ZMYM6: variants seen among roughly 807,000 people sequenced by gnomAD.
ZMYM6 encodes zinc finger MYM-type protein 6.
ZMYM6 carries 90 observed loss-of-function variants against 134.0 expected under a neutral mutation model. That is an observed-to-expected ratio of 0.67 (90% CI 0.57 to 0.80). The LOEUF is 0.80. Among genes scored for constraint, ZMYM6 ranks in the 30% least tolerant of loss-of-function variants. The probability of loss-of-function intolerance (pLI) is 0.00; values close to 1 mark genes in which losing one functional copy is unlikely to be tolerated. For missense variants in ZMYM6, 1,362 were observed against 1,533.9 expected, an observed-to-expected ratio of 0.89 and a Z score of 1.87; for synonymous variants, 481 against 524.1, an observed-to-expected ratio of 0.92 and a Z score of 1.12.
chr1:35,020,243 T>A, intron 3 of ZMYM6, 140 bp downstream of exon 3: 1 of 638,928 alleles, frequency 1.6e-6, no homozygotes, highest in Non-Finnish European at 2.6e-6. Context: ...AAAACGCTGC[T>A]GAAAACCAGC....
At position 35,015,143 on chromosome 1, in the gene ZMYM6, C is replaced by T; in HGVS notation, c.448G>A (p.Asp150Asn). ...TTCTCAAAGCGAGTTGTGATCACAT[C>T]CTTAGGATTTAAAATGTCTCTAAAA... ...NCSKDILNPK[D>N]VITTRFENSY... The change falls in exon 5 of 16, where the codon GAT (aspartate) becomes AAT (asparagine). Residue 150 changes from aspartate to asparagine, a missense_variant. Physicochemically the swap from Asp to Asn is conservative, Grantham distance 23. Coordinates refer to ENST00000357182, the MANE Select transcript of ZMYM6 (RefSeq NM_007167.4). The T allele has an allele frequency of 1.0e-5, 16 of 1,597,108 alleles. No individual in the cohort carries two copies. Among genetic ancestry groups the T allele is most frequent in the Non-Finnish European group, 1.3e-5 (15 of 1,175,676 alleles).
At chr1:35,029,380 C>T (rs1048901145) in intron 2 of ZMYM6, among the ~76,000 whole-genome samples, 6 of 152,116 alleles carry the variant, frequency 3.9e-5, no homozygotes, top group African/African-American at 1.4e-4. Context: ...TAACTGTGAT[C>T]TGTGGTAAAC....
intron 2 of ZMYM6, among the ~76,000 whole-genome samples, chr1:35,025,496 A>AG (rs1371355178): frequency 6.6e-5 from 10 of 151,564 alleles, no homozygotes; most frequent in African/African-American, 2.4e-4. Context: ...AAAGAAAGAA[A>AG]AAAAAAAGGT....
chr1:35,015,743 A>AAAAAAATAT, intron 4 of ZMYM6, among the ~76,000 whole-genome samples: 3 of 106,476 alleles, frequency 2.8e-5, no homozygotes, highest in African/African-American at 2.0e-4. Flanking sequence ...AAAAAAAAAA[A>AAAAAAATAT]ATATATATAT....
rs1268530199 is a variant in ZMYM6, at chr1:34,987,468, T to A, written c.3614A>T (p.Glu1205Val). ...SQVFSDCFPP[E>V]QDLRSGNLWI... The stretch of plus-strand genomic sequence containing the variant: ...CAAATTTCCTGAACGCAAGTCTTGT[T>A]CTGGTGGAAAACAGTCACTGAACAC... Residue 1205 changes from glutamate (E) to valine (V), a missense_variant, in exon 16 of 16, where the codon GAA becomes GTA. Physicochemically the swap from Glu to Val is moderately radical, Grantham distance 121. Transcript: ENST00000357182. The A allele has an allele frequency of 3.1e-6, 5 of 1,613,592 alleles. No individual in the cohort carries two copies. Among genetic ancestry groups the A allele is most frequent in the Non-Finnish European group, 4.2e-6 (5 of 1,179,868 alleles).
intron 1 of ZMYM6, among the ~76,000 whole-genome samples, chr1:35,031,013 A>G (rs1443525397): frequency 6.6e-6 from 1 of 152,178 alleles, no homozygotes; most frequent in African/African-American, 2.4e-5. Flanking sequence ...ACGTGGGAGG[A>G]AGTAATAAAC....
At chr1:35,019,027 C>T in intron 4 of ZMYM6, 1 of 475,404 alleles carries the variant, frequency 2.1e-6, no homozygotes, top group South Asian at 3.7e-5. Flanking sequence ...ATGCTATACC[C>T]AATAGCTTTC....
intron 3 of ZMYM6, 125 bp from the exon 4 acceptor site, chr1:35,019,727 C>T (rs2148458362): frequency 1.7e-6 from 2 of 1,184,530 alleles, no homozygotes; most frequent in East Asian, 2.6e-5. Context: ...GGCTGGAGTG[C>T]AGTGGTGCAA....
chr1:34,990,982 A>C (rs1280391133), intron 15 of ZMYM6, among the ~76,000 whole-genome samples: 3 of 152,186 alleles, frequency 2.0e-5, no homozygotes, highest in Non-Finnish European at 1.5e-5. Context: ...CTCCTTCCTC[A>C]GCCTCCTGAG....
chr1:35,013,691 T>TG (rs1641130540), intron 6 of ZMYM6: 1 of 981,208 alleles, frequency 1.0e-6, no homozygotes. Flanking sequence ...GTTTTTTTTT[T>TG]TTGTTTGTTT....
chr1:35,020,262 G>T, intron 3 of ZMYM6, 121 bp downstream of exon 3: 2 of 841,942 alleles, frequency 2.4e-6, no homozygotes, highest in Non-Finnish European at 3.5e-6. Flanking sequence ...GCTACTCACA[G>T]TTTGAAAAAA....
rs936618589 is a variant in ZMYM6, at chr1:34,987,762, T to C, written c.3320A>G (p.Glu1107Gly). Residue 1107 changes from glutamate (E) to glycine (G), a missense_variant, in exon 16 of 16, where the codon GAG becomes GGG. Glu to Gly is a moderately conservative substitution (Grantham distance 98, BLOSUM62 -2). Around this residue, in one of 3 missense-constraint regions of ZMYM6, gnomAD observed 824 missense variants for 940.9 expected, o/e 0.88. Transcript: ENST00000357182. Reference protein sequence around the residue: ...HSDLAKYFHDEEWVGKLAYLS... With the variant: ...HSDLAKYFHDGEWVGKLAYLS... ...GTAGGCCAGCTTTCCAACCCATTCC[T>C]CATCATGAAAATACTTGGCCAAATC... 1 of 1,551,430 alleles carries C rather than the reference T, an allele frequency of 6.4e-7. No homozygotes were observed. The highest frequency in any genetic ancestry group is 1.4e-5 in the African/African-American group (1 of 73,062).
intron 12 of ZMYM6, among the ~76,000 whole-genome samples, chr1:35,006,207 C>T (rs1640963429): frequency 6.6e-6 from 1 of 152,160 alleles, no homozygotes; most frequent in Non-Finnish European, 1.5e-5. Context: ...GGGGTTTCAC[C>T]ATGTTTACCA....
chr1:35,011,378 GTC>G (rs1267893005), intron 8 of ZMYM6, among the ~76,000 whole-genome samples: 2 of 152,114 alleles, frequency 1.3e-5, no homozygotes, highest in Non-Finnish European at 2.9e-5. Context: ...GCTACCAGCA[GTC>G]TCTTTCTCCC....
rs755277656 is a variant in ZMYM6 at position 35,014,766 on chromosome 1, G to C, written c.726C>G (p.Cys242Trp). The stretch of plus-strand genomic sequence containing the variant: ...ATTGGCAAGGACCAGAGCTACTATA[G>C]CAATAGCTCCCACAGTTCTCACAAC... ...MNCCENCGSY[C>W]YSSSGPCQSQ... is the part of the protein sequence containing the mutation. The change falls in exon 6 of 16, where the codon TGC (cysteine) becomes TGG (tryptophan). Residue 242 changes from cysteine to tryptophan, a missense_variant. Cys to Trp is a radical substitution (Grantham distance 215). Around this residue, in one of 3 missense-constraint regions of ZMYM6, gnomAD observed 503 missense variants for 520.8 expected, o/e 0.97. Transcript: ENST00000357182. 6.2e-7 allele frequency: 1 copy of C among 1,614,182 alleles called. No homozygotes were observed.
intron 10 of ZMYM6, among the ~76,000 whole-genome samples, chr1:35,010,158 C>T (rs764779764): frequency 1.4e-4 from 21 of 151,628 alleles, no homozygotes; most frequent in Admixed American, 1.2e-3. Context: ...TACAGGCGTG[C>T]GGCACCATGC....
At chr1:35,018,983 C>T (rs539901494) in intron 4 of ZMYM6, 7 of 291,642 alleles carry the variant, frequency 2.4e-5, no homozygotes, top group Admixed American at 1.9e-4. Flanking sequence ...AATTAAATAG[C>T]TTTTGTATAC....
intron 8 of ZMYM6, among the ~76,000 whole-genome samples, 178 bp from the exon 9 acceptor site, chr1:35,011,214 T>C (rs1403637049): frequency 6.6e-6 from 1 of 152,046 alleles, no homozygotes; most frequent in Non-Finnish European, 1.5e-5. Flanking sequence ...AAATACAACA[T>C]TAAAAGGTCA....
intron 14 of ZMYM6, among the ~76,000 whole-genome samples, chr1:34,992,802 A>G (rs1640706469): frequency 6.9e-6 from 1 of 144,574 alleles, no homozygotes; most frequent in Non-Finnish European, 1.5e-5. Flanking sequence ...AACTATAAAT[A>G]TAAAAATATA....
Sources: gnomAD v4.1 joint callset for allele counts (sites outside exome capture counted in the v4.1 genomes callset) on GRCh38, gnomAD v4.1.1 for gene constraint, gnomAD v4.1.1 regional missense constraint, MANE v1.5 for transcripts, NCBI Gene and HGNC (gene_info 2026-07-23, HGNC 2026-07-21) for gene names.